OSTN: variants seen among roughly 807,000 people sequenced by gnomAD.
OSTN encodes osteocrin.
OSTN carries 9 observed loss-of-function variants against 12.0 expected under a neutral mutation model. That is an observed-to-expected ratio of 0.75 (90% CI 0.45 to 1.30). The LOEUF is 1.30. OSTN is among the 50% of genes most tolerant of loss of function. OSTN has a pLI of 0.00. For synonymous variants in OSTN, 59 were observed against 56.9 expected, an observed-to-expected ratio of 1.04 and a Z score of -0.16; for missense variants, 148 against 152.3, an observed-to-expected ratio of 0.97 and a Z score of 0.15.
At chr3:191,247,277 T>A (rs1202616779) in intron 3 of OSTN, among the ~76,000 whole-genome samples, 3 of 152,186 alleles carry the variant, frequency 2.0e-5, no homozygotes, top group African/African-American at 7.2e-5. Context: ...ATTTTACAAA[T>A]AACATGTTTC....
At chr3:191,224,380 A>C (rs1714855265) in intron 3 of OSTN, among the ~76,000 whole-genome samples, 1 of 148,424 alleles carries the variant, frequency 6.7e-6, no homozygotes, top group Non-Finnish European at 1.5e-5. Context: ...CCATCTCAGA[A>C]AAAAAAAAAA....
chr3:191,251,622 CA>C (rs1715562914), intron 4 of OSTN, among the ~76,000 whole-genome samples: 1 of 152,186 alleles, frequency 6.6e-6, no homozygotes, highest in Non-Finnish European at 1.5e-5. Context: ...CAAAATCACT[CA>C]GTTAAAATAA....
At chr3:191,227,137 G>GA (rs35351328) in intron 3 of OSTN, among the ~76,000 whole-genome samples, 29,639 of 151,868 alleles carry the variant, frequency 0.2, 3,581 homozygotes, top group Middle Eastern at 0.44. Context: ...AAAGAACCTT[G>GA]AAAAATAAAG....
chr3:191,262,188 C>T (rs1268657892), intron 4 of OSTN, among the ~76,000 whole-genome samples: 1 of 152,130 alleles, frequency 6.6e-6, no homozygotes, highest in Non-Finnish European at 1.5e-5. Context: ...CCATTGCACT[C>T]CAGCCTGGGC....
chr3:191,247,312 T>G (rs558047310), intron 3 of OSTN, among the ~76,000 whole-genome samples: 12 of 152,256 alleles, frequency 7.9e-5, no homozygotes, highest in African/African-American at 2.9e-4. Flanking sequence ...AGTTGAAAAA[T>G]ATGTAGTTAA....
chr3:191,231,667 T>C (rs1368241930), intron 3 of OSTN, among the ~76,000 whole-genome samples: 1 of 152,192 alleles, frequency 6.6e-6, no homozygotes. Context: ...GCGATTTTCA[T>C]GTATATGCCC....
chr3:191,206,588 A>C (rs990295606), intron 1 of OSTN, among the ~76,000 whole-genome samples: 2 of 152,218 alleles, frequency 1.3e-5, no homozygotes, highest in Admixed American at 1.3e-4. Flanking sequence ...CTGCACTTTT[A>C]CCAGAAAATA....
At chr3:191,202,647 C>T (rs1378104804) in intron 1 of OSTN, among the ~76,000 whole-genome samples, 2 of 152,030 alleles carry the variant, frequency 1.3e-5, no homozygotes, top group African/African-American at 4.8e-5. Flanking sequence ...TCGTGAAATT[C>T]CACATTAACT....
At chr3:191,214,074 T>C (rs1311599445) in intron 2 of OSTN, among the ~76,000 whole-genome samples, 2 of 152,180 alleles carry the variant, frequency 1.3e-5, no homozygotes, top group Non-Finnish European at 2.9e-5. Context: ...TCTTTTTATA[T>C]GACAAAAGTG....
At chr3:191,244,063 T>TG (rs1478631483) in intron 3 of OSTN, among the ~76,000 whole-genome samples, 1 of 152,068 alleles carries the variant, frequency 6.6e-6, no homozygotes, top group Non-Finnish European at 1.5e-5. Context: ...TTTCTTATGC[T>TG]GGGGGCTGGG....
chr3:191,247,018 A>T (rs1715449854), intron 3 of OSTN, among the ~76,000 whole-genome samples: 1 of 152,238 alleles, frequency 6.6e-6, no homozygotes, highest in Non-Finnish European at 1.5e-5. Context: ...ATATAAAGTG[A>T]CATATTTATA....
chr3:191,226,399 G>A (rs1252413935), intron 3 of OSTN, among the ~76,000 whole-genome samples: 2 of 152,140 alleles, frequency 1.3e-5, no homozygotes, highest in African/African-American at 4.8e-5. Context: ...TAAACATGAT[G>A]TACATGTATG....
intron 3 of OSTN, among the ~76,000 whole-genome samples, chr3:191,242,591 C>T (rs538260201): frequency 1.1e-4 from 17 of 152,198 alleles, no homozygotes; most frequent in Admixed American, 1.0e-3. Flanking sequence ...GACGGGGTCT[C>T]TTTATATTGC....
intron 3 of OSTN, among the ~76,000 whole-genome samples, chr3:191,236,576 G>A (rs1404262969): frequency 6.6e-6 from 1 of 151,404 alleles, no homozygotes; most frequent in Non-Finnish European, 1.5e-5. Flanking sequence ...TTGGGGAGAT[G>A]TGCGCTACTA....
chr3:191,237,341 C>T (rs1358657192), intron 3 of OSTN, among the ~76,000 whole-genome samples: 2 of 152,192 alleles, frequency 1.3e-5, no homozygotes. Context: ...GATTTCTATC[C>T]TAACGGGACT....
intron 3 of OSTN, among the ~76,000 whole-genome samples, chr3:191,222,685 G>A (rs972433057): frequency 1.3e-5 from 2 of 152,106 alleles, no homozygotes; most frequent in Admixed American, 1.3e-4. Flanking sequence ...TATGAGATTT[G>A]GGAGGGGCCA....
rs141688694 is a variant in OSTN, at chr3:191,247,575, G to A, written c.318-2462G>A. Among the ~76,000 whole-genome samples the A allele has an allele frequency of 4.7e-3, 711 of 152,232 alleles. 6 individuals are homozygous for A. Among genetic ancestry groups the A allele is most frequent in the African/African-American group, 0.016 (650 of 41,544 alleles). ...ATGGACGTAAATCAGCAGAAAAGAAGGTTGAATAAGTTGAAATATGTAATA... is the reference window on the plus strand; with the variant it reads ...ATGGACGTAAATCAGCAGAAAAGAAAGTTGAATAAGTTGAAATATGTAATA... On this transcript the variant is annotated intron_variant, in intron 3 of 4. Transcript: ENST00000682035.
At chr3:191,212,054 TAAAG>T (rs1188805010) in intron 1 of OSTN, among the ~76,000 whole-genome samples, 31 of 152,150 alleles carry the variant, frequency 2.0e-4, no homozygotes, top group Non-Finnish European at 7.4e-5. Context: ...CACAAGGACA[TAAAG>T]AAATTCTCCT....
At chr3:191,234,103 A>G (rs1715128749) in intron 3 of OSTN, among the ~76,000 whole-genome samples, 1 of 152,214 alleles carries the variant, frequency 6.6e-6, no homozygotes, top group African/African-American at 2.4e-5. Flanking sequence ...ATAGTGCTCT[A>G]TATTTGAATT....
Sources: allele counts gnomAD v4.1 joint callset (sites outside exome capture counted in the v4.1 genomes callset), GRCh38; gene constraint gnomAD v4.1.1; transcripts MANE v1.5; gene names NCBI Gene and HGNC (gene_info 2026-07-23, HGNC 2026-07-21).